CADPS: variants seen among roughly 807,000 people sequenced by gnomAD.
CADPS encodes calcium-dependent secretion activator 1.
Under a neutral mutation model 167.3 loss-of-function variants are expected in CADPS, and 57 were observed. The ratio of observed to expected loss-of-function variants is 0.34; its 90% CI spans 0.28 to 0.42. The LOEUF (loss-of-function observed/expected upper bound fraction) is 0.42. CADPS is among the 20% of genes least tolerant of loss of function. The probability of loss-of-function intolerance (pLI) is 1.00; values close to 1 mark genes in which losing one functional copy is unlikely to be tolerated. For missense variants in CADPS, 1,414 were observed against 1,738.1 expected, an observed-to-expected ratio of 0.81 and a Z score of 3.32; for synonymous variants, 676 against 635.3, an observed-to-expected ratio of 1.06 and a Z score of -0.96.
In CADPS at chr3:62,417,273, AC is replaced by A. The variant is rs1560096576; in HGVS notation, c.3778-14089del. Among the ~76,000 whole-genome samples, 11 of 51,506 alleles carry A rather than the reference AC, an allele frequency of 2.1e-4. 2 individuals are homozygous for A. The highest frequency in any genetic ancestry group is 6.9e-4 in the East Asian group (1 of 1,442). 33.8% of individuals were successfully genotyped at this position (51,506 alleles called of 152,430 possible). A position where few individuals can be genotyped will look rare whatever the true frequency, so the allele number is the denominator to read the frequency against. ...TTAACACAATAACTATTTTTCTTTT[AC>A]TCTTTTTTTTTTTTTTTTTTTTTTT... On this transcript the variant is annotated intron_variant, in intron 28 of 29. Transcript: ENST00000383710.
intron 1 of CADPS, among the ~76,000 whole-genome samples, chr3:62,846,641 T>G (rs914434963): frequency 6.6e-6 from 1 of 152,094 alleles, no homozygotes; most frequent in Non-Finnish European, 1.5e-5. Flanking sequence ...TTGGGTCTTT[T>G]TTTGTTTGTT....
At chr3:62,526,169 C>A in intron 13 of CADPS, among the ~76,000 whole-genome samples, 1 of 152,118 alleles carries the variant, frequency 6.6e-6, no homozygotes, top group East Asian at 1.9e-4. Flanking sequence ...TTACTCAAAT[C>A]TTAATCTACA....
At chr3:62,740,609 T>C (rs1029970343) in intron 3 of CADPS, among the ~76,000 whole-genome samples, 2 of 152,162 alleles carry the variant, frequency 1.3e-5, no homozygotes, top group South Asian at 2.1e-4. Flanking sequence ...ATACCTTCTC[T>C]GTGAAGCAGC....
chr3:62,665,451 G>A (rs1477535115), intron 3 of CADPS, among the ~76,000 whole-genome samples: 7 of 152,126 alleles, frequency 4.6e-5, no homozygotes, highest in African/African-American at 7.2e-5. Context: ...CACACTTCTG[G>A]TAAAGTGGTA....
intron 6 of CADPS, among the ~76,000 whole-genome samples, chr3:62,608,265 T>C (rs933474207): frequency 4.0e-5 from 6 of 151,066 alleles, no homozygotes; most frequent in South Asian, 2.1e-4. Flanking sequence ...AAAAACTGTA[T>C]GAAAGTTGTT....
chr3:62,691,405 G>A (rs1180743967), intron 3 of CADPS, among the ~76,000 whole-genome samples: 1 of 151,932 alleles, frequency 6.6e-6, no homozygotes, highest in Non-Finnish European at 1.5e-5. Context: ...TGGTAGTAGG[G>A]GAGGCTGTGT....
chr3:62,688,987 T>C (rs1476472889), intron 3 of CADPS, among the ~76,000 whole-genome samples: 1 of 152,026 alleles, frequency 6.6e-6, no homozygotes, highest in African/African-American at 2.4e-5. Context: ...AAAAAATCTT[T>C]CCAGCGTGTG....
intron 3 of CADPS, among the ~76,000 whole-genome samples, chr3:62,680,546 G>T (rs1164904300): frequency 2.6e-5 from 4 of 151,898 alleles, no homozygotes; most frequent in Admixed American, 6.6e-5. Context: ...CCATACGTTT[G>T]TGTCTTTCTC....
intron 3 of CADPS, among the ~76,000 whole-genome samples, chr3:62,695,046 T>G (rs540426382): frequency 2.0e-5 from 3 of 152,096 alleles, no homozygotes; most frequent in African/African-American, 7.2e-5. Flanking sequence ...TTTCCACATC[T>G]TAGTTTTTCC....
intron 6 of CADPS, among the ~76,000 whole-genome samples, chr3:62,596,088 T>C (rs1386999048): frequency 2.2e-5 from 3 of 135,902 alleles, no homozygotes; most frequent in African/African-American, 8.6e-5. Context: ...TATATATGTA[T>C]ACACACACAC....
chr3:62,516,681 T>A, intron 14 of CADPS, 38 bp from the exon 15 acceptor site: 1 of 1,449,912 alleles, frequency 6.9e-7, no homozygotes, highest in Admixed American at 1.8e-5. Flanking sequence ...CCTAAATTAT[T>A]ACATTTTAGC....
chr3:62,862,105 G>T (rs538471618), intron 1 of CADPS, among the ~76,000 whole-genome samples: 1 of 150,950 alleles, frequency 6.6e-6, no homozygotes, highest in Non-Finnish European at 1.5e-5. Flanking sequence ...CAAAATGTAG[G>T]AATAAACATG....
intron 28 of CADPS, among the ~76,000 whole-genome samples, chr3:62,410,376 A>G (rs1239026573): frequency 6.6e-6 from 1 of 152,242 alleles, no homozygotes; most frequent in African/African-American, 2.4e-5. Context: ...ATGCCTGGGC[A>G]GTTCATGTCT....
At chr3:62,512,515 A>G (rs1377593425) in intron 17 of CADPS, among the ~76,000 whole-genome samples, 2 of 152,126 alleles carry the variant, frequency 1.3e-5, no homozygotes, top group Non-Finnish European at 2.9e-5. Flanking sequence ...TCTGCAGCAA[A>G]CCAGAATTCT....
intron 24 of CADPS, among the ~76,000 whole-genome samples, chr3:62,467,698 A>G (rs1576442727): frequency 6.6e-6 from 1 of 152,144 alleles, no homozygotes; most frequent in Non-Finnish European, 1.5e-5. Context: ...GAAGGGAGAA[A>G]CCAGTATGAA....
At chr3:62,610,799 C>T (rs1253860526) in intron 6 of CADPS, among the ~76,000 whole-genome samples, 1 of 151,784 alleles carries the variant, frequency 6.6e-6, no homozygotes, top group East Asian at 1.9e-4. Flanking sequence ...GCTGATTTTC[C>T]TCATCTCCTC....
chr3:62,718,177 C>T (rs2085055762), intron 3 of CADPS, among the ~76,000 whole-genome samples: 1 of 152,112 alleles, frequency 6.6e-6, no homozygotes, highest in Non-Finnish European at 1.5e-5. Flanking sequence ...ATTATCTGTG[C>T]TTTCTTAGCA....
chr3:62,772,114 G>T (rs913424154), intron 1 of CADPS, among the ~76,000 whole-genome samples: 1 of 152,088 alleles, frequency 6.6e-6, no homozygotes, highest in African/African-American at 2.4e-5. Context: ...ATAATATATA[G>T]CATAGTATCT....
chr3:62,430,084 A>G (rs1340246310), intron 28 of CADPS, among the ~76,000 whole-genome samples: 1 of 152,200 alleles, frequency 6.6e-6, no homozygotes, highest in East Asian at 1.9e-4. Context: ...GAGAATACCA[A>G]CAAAAAACCC....
Sources: gnomAD v4.1 joint callset for allele counts (sites outside exome capture counted in the v4.1 genomes callset) on GRCh38, gnomAD v4.1.1 for gene constraint, MANE v1.5 for transcripts, NCBI Gene and HGNC (gene_info 2026-07-23, HGNC 2026-07-21) for gene names.